Variants in GPHN observed in about 807,000 individuals in gnomAD.
GPHN encodes gephyrin.
A neutral mutation model predicts 95.5 loss-of-function variants in GPHN; 17 were observed. The observed-to-expected ratio is 0.18, with a 90% confidence interval of 0.12 to 0.27. GPHN has a LOEUF of 0.27. Among genes scored for constraint, GPHN ranks in the 10% least tolerant of loss-of-function variants. The probability of loss-of-function intolerance (pLI) is 1.00; values close to 1 mark genes in which losing one functional copy is unlikely to be tolerated. For synonymous variants in GPHN, 320 were observed against 322.5 expected, an observed-to-expected ratio of 0.99 and a Z score of 0.08; for missense variants, 660 against 978.1, an observed-to-expected ratio of 0.67 and a Z score of 4.34.
chr14:67,731,727 A>G, the GPHN span, among the ~76,000 whole-genome samples: 1 of 152,190 alleles, frequency 6.6e-6, no homozygotes, highest in African/African-American at 2.4e-5. Flanking sequence ...GTCTGGAGGG[A>G]TAACCAGCCA....
chr14:66,731,010 T>G (rs976690148), intron 2 of GPHN, among the ~76,000 whole-genome samples: 1 of 152,178 alleles, frequency 6.6e-6, no homozygotes, highest in African/African-American at 2.4e-5. Context: ...GATCTGATGG[T>G]TTGATAAGGC....
the GPHN span, chr14:67,412,084 C>A: frequency 1.3e-6 from 2 of 1,511,376 alleles, no homozygotes; most frequent in Non-Finnish European, 8.8e-7. Context: ...GCCAGGGCCA[C>A]CCCAGGTGCG....
intron 5 of GPHN, among the ~76,000 whole-genome samples, chr14:66,895,939 A>G (rs566600023): frequency 1.2e-3 from 182 of 152,168 alleles, no homozygotes; most frequent in Non-Finnish European, 2.2e-3. Flanking sequence ...TTTATAAACA[A>G]CAGAAATTTA....
chr14:66,885,056 A>G (rs938585538), intron 5 of GPHN, among the ~76,000 whole-genome samples: 1 of 151,986 alleles, frequency 6.6e-6, no homozygotes, highest in Non-Finnish European at 1.5e-5. Flanking sequence ...TCAGGAAATA[A>G]CAACACAAAA....
chr14:67,139,186 A>G (rs1275229342), intron 17 of GPHN, among the ~76,000 whole-genome samples: 5 of 151,394 alleles, frequency 3.3e-5, no homozygotes, highest in Non-Finnish European at 5.9e-5. Flanking sequence ...TCGCGCCACT[A>G]CACTCCAGCC....
intron 1 of GPHN, among the ~76,000 whole-genome samples, chr14:66,668,822 G>C (rs554435373): frequency 6.6e-6 from 1 of 151,648 alleles, no homozygotes; most frequent in Non-Finnish European, 1.5e-5. Context: ...TAGCCTTTCT[G>C]GTTTCTGGTA....
At chr14:66,639,655 A>G (rs1319779949) in intron 1 of GPHN, among the ~76,000 whole-genome samples, 2 of 152,060 alleles carry the variant, frequency 1.3e-5, no homozygotes, top group African/African-American at 4.8e-5. Context: ...TAGACCTTGA[A>G]GCTTATTTTA....
chr14:66,643,755 T>G (rs866865087), intron 1 of GPHN, among the ~76,000 whole-genome samples: 2 of 151,242 alleles, frequency 1.3e-5, no homozygotes, highest in Admixed American at 1.3e-4. Context: ...GAGGGGAGTT[T>G]TTTTTTTTTT....
the GPHN span, chr14:67,320,177 T>G: frequency 1.3e-6 from 2 of 1,556,408 alleles, no homozygotes; most frequent in East Asian, 2.3e-5. Context: ...TATTTATATC[T>G]TTAATACATG....
At chr14:67,585,285 G>A in the GPHN span, 5 of 344,540 alleles carry the variant, frequency 1.5e-5, no homozygotes, top group African/African-American at 8.7e-5. Context: ...TCCATCCAGT[G>A]TGCTGTGGCA....
intron 10 of GPHN, among the ~76,000 whole-genome samples, chr14:67,024,929 C>T (rs182984047): frequency 6.6e-6 from 1 of 152,186 alleles, no homozygotes; most frequent in Admixed American, 6.5e-5. Flanking sequence ...TAGCTCCAAA[C>T]CCTTGGGCAA....
chr14:67,090,341 C>T (rs1218418373), intron 12 of GPHN, among the ~76,000 whole-genome samples: 2 of 151,866 alleles, frequency 1.3e-5, no homozygotes, highest in Admixed American at 6.6e-5. Flanking sequence ...AAATTTTTTG[C>T]GTGTTGACAT....
chr14:67,235,653 C>T, the GPHN span, among the ~76,000 whole-genome samples: 3 of 151,578 alleles, frequency 2.0e-5, no homozygotes, highest in African/African-American at 4.9e-5. Flanking sequence ...AGGCAGAGCT[C>T]GCAGTGAGTC....
At chr14:66,929,431 G>A (rs2066661676) in intron 8 of GPHN, among the ~76,000 whole-genome samples, 1 of 152,026 alleles carries the variant, frequency 6.6e-6, no homozygotes, top group African/African-American at 2.4e-5. Context: ...TGGCATATTA[G>A]GGTCTGTCTC....
the GPHN span, chr14:67,653,493 T>G: frequency 1.2e-6 from 2 of 1,613,776 alleles, no homozygotes; most frequent in Non-Finnish European, 1.7e-6. Context: ...CACTTGTGTT[T>G]ACCAGCTGAG....
chr14:66,899,616 C>T (rs1041911347), intron 5 of GPHN, among the ~76,000 whole-genome samples: 1 of 151,740 alleles, frequency 6.6e-6, no homozygotes, highest in African/African-American at 2.4e-5. Flanking sequence ...TGGAGTAAAC[C>T]CACTTGGTCC....
At chr14:67,412,079 GGCCACCCCAGGTGCGCCTTCCCCGC>G in the GPHN span, 2 of 1,526,556 alleles carry the variant, frequency 1.3e-6, no homozygotes, top group South Asian at 2.5e-5. Context: ...CGCACGCCAG[GGCCACCCCAGGTGCGCCTTCCCCGC>G]GCCTCGCGCT....
chr14:66,842,703 G>A, intron 4 of GPHN: 1 of 1,534,436 alleles, frequency 6.5e-7, no homozygotes, highest in Non-Finnish European at 8.7e-7. Context: ...CCATTTTGTG[G>A]GCTCCAGAAA....
the GPHN span, chr14:67,588,520 A>T: frequency 6.6e-6 from 1 of 152,066 alleles, no homozygotes; most frequent in Non-Finnish European, 1.5e-5. Flanking sequence ...TGCCTTACTG[A>T]TAATACCATA....
Sources: allele counts gnomAD v4.1 joint callset (sites outside exome capture counted in the v4.1 genomes callset), GRCh38; gene constraint gnomAD v4.1.1; transcripts MANE v1.5; gene names NCBI Gene and HGNC (gene_info 2026-07-23, HGNC 2026-07-21).